RAB6B: variants seen among roughly 807,000 people sequenced by gnomAD.
RAB6B encodes ras-related protein Rab-6B.
In RAB6B, 7 loss-of-function variants were observed where a neutral mutation model predicts 31.2. That is an observed-to-expected ratio of 0.22 (90% CI 0.13 to 0.42). The LOEUF is 0.42. Ranked by LOEUF, RAB6B falls within the 10% of genes least tolerant of loss-of-function variation. The pLI, the probability that RAB6B is intolerant of heterozygous loss-of-function variation, is 1.00. For missense variants in RAB6B, 149 were observed against 280.6 expected, an observed-to-expected ratio of 0.53 and a Z score of 3.35; for synonymous variants, 105 against 104.9, an observed-to-expected ratio of 1.00 and a Z score of -0.01.
intron 1 of RAB6B, among the ~76,000 whole-genome samples, chr3:133,887,495 C>T (rs1443899887): frequency 6.6e-6 from 1 of 152,208 alleles, no homozygotes; most frequent in Non-Finnish European, 1.5e-5. Context: ...TCCTGCAGCC[C>T]CTCTCACCAG....
chr3:133,852,205 C>T (rs1286826629), intron 2 of RAB6B, among the ~76,000 whole-genome samples: 6 of 152,212 alleles, frequency 3.9e-5, no homozygotes, highest in Non-Finnish European at 8.8e-5. Flanking sequence ...CTGCTGGGTA[C>T]TCTAGTCTCA....
Position 133,852,773 on chromosome 3 carries a change from C to A in RAB6B, c.130-11110G>T, listed in dbSNP as rs572039851. On this transcript the variant is annotated intron_variant, in intron 2 of 7. Transcript: ENST00000285208. ...GGATTACAGGCGTGAGTCACCATGC[C>A]TGGCAAATCCTTGATTCTAAACCTG... 2.0e-5 allele frequency among the ~76,000 whole-genome samples: 3 copies of A among 152,328 alleles called. No homozygotes were observed. The East Asian group carries it at 5.8e-4, about 29-fold the overall frequency.
chr3:133,877,690 T>G (rs1936414709), intron 1 of RAB6B, among the ~76,000 whole-genome samples: 1 of 151,282 alleles, frequency 6.6e-6, no homozygotes, highest in Non-Finnish European at 1.5e-5. Flanking sequence ...AACCCCAAAC[T>G]GACAGAGATG....
At chr3:133,865,845 A>G (rs570686190) in intron 1 of RAB6B, among the ~76,000 whole-genome samples, 2 of 152,284 alleles carry the variant, frequency 1.3e-5, no homozygotes, top group African/African-American at 4.8e-5. Context: ...CATAACAGAC[A>G]AGTGCACTCA....
At chr3:133,843,754 G>C (rs901409217) in intron 2 of RAB6B, among the ~76,000 whole-genome samples, 1 of 152,138 alleles carries the variant, frequency 6.6e-6, no homozygotes. Flanking sequence ...ACGTGATGTA[G>C]GCATCTTTGG....
chr3:133,871,693 G>C (rs1371940794), intron 1 of RAB6B, among the ~76,000 whole-genome samples: 1 of 152,242 alleles, frequency 6.6e-6, no homozygotes, highest in East Asian at 1.9e-4. Flanking sequence ...AGAGGCTGCT[G>C]TAAGGGCCAG....
At chr3:133,870,615 A>C (rs548389623) in intron 1 of RAB6B, among the ~76,000 whole-genome samples, 2 of 152,292 alleles carry the variant, frequency 1.3e-5, no homozygotes, top group South Asian at 4.1e-4. Flanking sequence ...CTATCCCCTG[A>C]GCCCAAGACA....
chr3:133,858,711 AT>A (rs1170385898), intron 2 of RAB6B, among the ~76,000 whole-genome samples: 1 of 152,274 alleles, frequency 6.6e-6, no homozygotes, highest in South Asian at 2.1e-4. Flanking sequence ...CGATGCAGGA[AT>A]TTTGAGGAGA....
intron 1 of RAB6B, among the ~76,000 whole-genome samples, chr3:133,890,461 C>A (rs747594380): frequency 2.2e-4 from 34 of 152,022 alleles, no homozygotes; most frequent in Non-Finnish European, 4.6e-4. Flanking sequence ...AAAAATTAGC[C>A]GGGCGTATTG....
chr3:133,862,155 C>A (rs187866895), intron 2 of RAB6B, among the ~76,000 whole-genome samples: 1 of 151,730 alleles, frequency 6.6e-6, no homozygotes, highest in Non-Finnish European at 1.5e-5. Flanking sequence ...AGAAAGCCTG[C>A]GATGGGGAGG....
chr3:133,881,867 C>T (rs1399098451), intron 1 of RAB6B, among the ~76,000 whole-genome samples: 2 of 152,246 alleles, frequency 1.3e-5, no homozygotes, highest in African/African-American at 4.8e-5. Context: ...CTAAAATCTT[C>T]ACCCTATCTG....
intron 4 of RAB6B, among the ~76,000 whole-genome samples, chr3:133,840,769 C>A (rs1350852878): frequency 6.6e-6 from 1 of 152,030 alleles, no homozygotes; most frequent in Non-Finnish European, 1.5e-5. Context: ...GAACACCTGC[C>A]CTGGCCTGAA....
At chr3:133,883,108 G>A (rs1203292366) in intron 1 of RAB6B, among the ~76,000 whole-genome samples, 4 of 152,188 alleles carry the variant, frequency 2.6e-5, no homozygotes, top group African/African-American at 9.7e-5. Context: ...CTAGTGCCAA[G>A]ACCTGACTCT....
rs1326757838 is a variant in RAB6B, at chr3:133,824,791, G to T, written c.*3997C>A. 5.9e-5 allele frequency: 9 copies of T among 152,142 alleles called. No homozygotes were observed. Among genetic ancestry groups the T allele is most frequent in the Non-Finnish European group, 1.5e-5 (1 of 68,044 alleles). The allele number at this position is 152,142 out of a possible 1,614,324, so 9.4% of individuals were successfully genotyped here. On this transcript the variant is annotated 3_prime_UTR_variant, in exon 8 of 8. Coordinates refer to ENST00000285208, the MANE Select transcript of RAB6B (RefSeq NM_016577.4). ...TAGTGTCCTAACCAAAAAGAGTAGA[G>T]ATGGTCTGAGGAACACACCCACACA...
At position 133,895,286 on chromosome 3, in the gene RAB6B, C is replaced by T. The variant is rs998848285; in HGVS notation, c.70+111G>A. On this transcript the variant is annotated intron_variant, in intron 1 of 7. Coordinates refer to ENST00000285208, the MANE Select transcript of RAB6B (RefSeq NM_016577.4). ...CCCCATCCCTGTCCCTCTCCTCTAC[C>T]CTGGCAAGGAGGGGCCTTTCCGAGC... is the stretch of plus-strand genomic sequence containing the variant. 434 of 1,208,146 alleles carry T rather than the reference C, an allele frequency of 3.6e-4. 1 individual carries two copies. Among genetic ancestry groups the T allele is most frequent in the Middle Eastern group, 1.2e-3 (6 of 5,100 alleles). 74.8% of individuals were successfully genotyped at this position (1,208,146 alleles called of 1,614,324 possible).
intron 2 of RAB6B, among the ~76,000 whole-genome samples, chr3:133,858,324 T>C (rs1936110933): frequency 6.6e-6 from 1 of 152,240 alleles, no homozygotes; most frequent in African/African-American, 2.4e-5. Context: ...TCTATACCAA[T>C]GTAGCTGTAA....
intron 1 of RAB6B, among the ~76,000 whole-genome samples, chr3:133,866,970 T>A (rs1183629217): frequency 1.3e-5 from 2 of 151,964 alleles, no homozygotes; most frequent in East Asian, 3.9e-4. Flanking sequence ...AGACACTGAG[T>A]CTCTTCTCCC....
At position 133,851,065 on chromosome 3, in the gene RAB6B, T is replaced by C. The variant is rs569324303; in HGVS notation, c.130-9402A>G. 1.6e-4 allele frequency among the ~76,000 whole-genome samples: 23 copies of C among 143,642 alleles called. No individual in the cohort carries two copies. The South Asian group carries it at 4.8e-3, about 30-fold the overall frequency. The allele number at this position is 143,642 out of a possible 152,430, so 94.2% of individuals were successfully genotyped here. A position where few individuals can be genotyped will look rare whatever the true frequency, so the allele number is the denominator to read the frequency against. On this transcript the variant is annotated intron_variant, in intron 2 of 7. Transcript: ENST00000285208. ...AACAGAATTCTAAATCCAGCAAAAA[T>C]ACTCTTCAAAAGTATGAAGAAATAA...
chr3:133,887,621 G>C (rs543667581), intron 1 of RAB6B, among the ~76,000 whole-genome samples: 22 of 152,306 alleles, frequency 1.4e-4, no homozygotes, highest in African/African-American at 5.1e-4. Flanking sequence ...ACCCAGCCCA[G>C]TAGCCTTGAG....
Sources: allele counts gnomAD v4.1 joint callset (sites outside exome capture counted in the v4.1 genomes callset), GRCh38; gene constraint gnomAD v4.1.1; transcripts MANE v1.5; gene names NCBI Gene and HGNC (gene_info 2026-07-23, HGNC 2026-07-21).